The following OPRK1 variants were observed in gnomAD, a reference collection of about 807,000 sequenced individuals.
OPRK1 encodes the protein opioid receptor kappa 1.
Under a neutral mutation model 24.5 loss-of-function variants are expected in OPRK1, and 15 were observed. The observed-to-expected ratio is 0.61, with a 90% CI of 0.41 to 0.94. OPRK1 has a LOEUF of 0.94. OPRK1 is among the 40% of genes least tolerant of loss of function. The pLI, the probability that OPRK1 is intolerant of heterozygous loss-of-function variation, is 0.00. For synonymous variants in OPRK1, 205 were observed against 198.0 expected, an observed-to-expected ratio of 1.04 and a Z score of -0.30; for missense variants, 479 against 507.3, an observed-to-expected ratio of 0.94 and a Z score of 0.54.
In OPRK1 at chr8:53,228,217, T is replaced by C. The variant is rs556618199; in HGVS notation, c.*1080A>G. The stretch of plus-strand genomic sequence containing the variant: ...AGCAAAACACCTTCCTCTCCGTGAA[T>C]AGAGAGATCTGCGAATCGCTATATG... On this transcript the variant is annotated 3_prime_UTR_variant, in exon 4 of 4. Coordinates refer to ENST00000265572, the MANE Select transcript of OPRK1 (RefSeq NM_000912.5). 6.6e-6 allele frequency: 1 copy of C among 152,302 alleles called. No homozygotes were observed. The highest frequency in any genetic ancestry group is 2.1e-4 in the South Asian group (1 of 4,822). The allele number at this position is 152,302 out of a possible 1,614,324, so 9.4% of individuals were successfully genotyped here.
intron 3 of OPRK1, among the ~76,000 whole-genome samples, chr8:53,231,614 C>G (rs7824175): frequency 0.17 from 25,257 of 152,112 alleles, 2,948 homozygotes; most frequent in African/African-American, 0.32. Context: ...ACATTTTTCT[C>G]TCCATCCAGA....
At chr8:53,243,506 T>C (rs1807160722) in intron 2 of OPRK1, among the ~76,000 whole-genome samples, 1 of 152,154 alleles carries the variant, frequency 6.6e-6, no homozygotes, top group Non-Finnish European at 1.5e-5. Flanking sequence ...ACCCAATTGG[T>C]TTCTCGCATT....
chr8:53,240,983 T>C (rs1797210190), intron 2 of OPRK1, among the ~76,000 whole-genome samples: 1 of 152,142 alleles, frequency 6.6e-6, no homozygotes. Flanking sequence ...CAATTATGCC[T>C]CACCAAAGCT....
At chr8:53,250,010 A>C (rs1807331158) in intron 2 of OPRK1, among the ~76,000 whole-genome samples, 1 of 151,982 alleles carries the variant, frequency 6.6e-6, no homozygotes. Flanking sequence ...CTTACCAAAA[A>C]ATTAGCATAT....
rs142683738 is a variant in OPRK1, at chr8:53,245,629, G to T, written c.257+5152C>A. Among the ~76,000 whole-genome samples the T allele has an allele frequency of 5.2e-3, 790 of 152,210 alleles. 8 individuals are homozygous for T. The highest frequency in any genetic ancestry group is 0.018 in the African/African-American group (730 of 41,490). On this transcript the variant is annotated intron_variant, in intron 2 of 3. Coordinates refer to ENST00000265572, the MANE Select transcript of OPRK1 (RefSeq NM_000912.5). ...GGAATGGATAACTGGGAGAGAGAGA[G>T]ATAATTAGATTTAGGATTTGTCAGA...
At chr8:53,247,234 T>C (rs1309095387) in intron 2 of OPRK1, among the ~76,000 whole-genome samples, 2 of 151,902 alleles carry the variant, frequency 1.3e-5, no homozygotes. Flanking sequence ...AAAGAAAGAA[T>C]CCAAATGTTT....
intron 2 of OPRK1, among the ~76,000 whole-genome samples, chr8:53,236,512 C>G (rs886275316): frequency 3.3e-5 from 5 of 152,188 alleles, no homozygotes; most frequent in African/African-American, 4.8e-5. Flanking sequence ...GTGATTTAAT[C>G]TGGAAAGCGA....
Position 53,229,213 on chromosome 8 carries a change from G to A in OPRK1, c.*84C>T. 2 of 1,425,266 alleles carry A rather than the reference G, an allele frequency of 1.4e-6. No individual in the cohort carries two copies. Among genetic ancestry groups the A allele is most frequent in the Non-Finnish European group, 1.9e-6 (2 of 1,051,302 alleles). The allele number at this position is 1,425,266 out of a possible 1,614,324, so 88.3% of individuals were successfully genotyped here. On this transcript the variant is annotated 3_prime_UTR_variant, in exon 4 of 4. Coordinates refer to ENST00000265572, the MANE Select transcript of OPRK1 (RefSeq NM_000912.5). ...TTTTAAATTCTATCTTTTCATGTCA[G>A]ACTGCAGTAGTGATCTGAGTTAAAC...
intron 3 of OPRK1, 49 bp downstream of exon 3, chr8:53,234,710 G>C: frequency 6.7e-7 from 1 of 1,489,500 alleles, no homozygotes. Flanking sequence ...AAAAGTCTAT[G>C]TAATTTGAAG....
chr8:53,249,858 A>C (rs1259868904), intron 2 of OPRK1, among the ~76,000 whole-genome samples: 1 of 152,134 alleles, frequency 6.6e-6, no homozygotes, highest in Non-Finnish European at 1.5e-5. Context: ...AAAGGAACAC[A>C]AGCTTCCTAC....
At chr8:53,248,766 A>G (rs1450748597) in intron 2 of OPRK1, among the ~76,000 whole-genome samples, 1 of 152,250 alleles carries the variant, frequency 6.6e-6, no homozygotes, top group South Asian at 2.1e-4. Context: ...TGCTCTAGCC[A>G]TAAGTGAACT....
At position 53,229,708 on chromosome 8, in the gene OPRK1, G is replaced by T; in HGVS notation, c.732C>A (p.Val244=). The change falls in exon 4 of 4, where the codon GTC becomes GTA. Residue 244 remains valine, a synonymous_variant. Transcript: ENST00000265572. ...GACGCAGGATCATCAGGGTGTAGCA[G>T]ACGATGATGATGAGGACAGGGATCA... The part of the protein sequence containing the change: ...AFVIPVLIII[V]CYTLMILRLK... 1.2e-6 allele frequency: 2 copies of T among 1,614,164 alleles called. No homozygotes were observed.
chr8:53,240,174 C>A (rs1807082920), intron 2 of OPRK1, among the ~76,000 whole-genome samples: 1 of 152,114 alleles, frequency 6.6e-6, no homozygotes, highest in Non-Finnish European at 1.5e-5. Context: ...TTTCCATAGG[C>A]CCATTTTTGG....
chr8:53,240,787 T>C (rs893054084), intron 2 of OPRK1, among the ~76,000 whole-genome samples: 3 of 152,140 alleles, frequency 2.0e-5, no homozygotes, highest in Admixed American at 1.3e-4. Flanking sequence ...TCAACAATAC[T>C]GTATTGCTTA....
intron 2 of OPRK1, among the ~76,000 whole-genome samples, chr8:53,248,434 C>G (rs1042785494): frequency 9.9e-5 from 15 of 152,038 alleles, no homozygotes; most frequent in African/African-American, 4.8e-5. Context: ...AAATAGTATC[C>G]TTCATCTTTC....
At chr8:53,241,749 G>T (rs1345535842) in intron 2 of OPRK1, among the ~76,000 whole-genome samples, 1 of 152,206 alleles carries the variant, frequency 6.6e-6, no homozygotes, top group Non-Finnish European at 1.5e-5. Flanking sequence ...AAGCGCAAAG[G>T]CGTCAAGAGA....
rs201311615 is a variant in OPRK1 at position 53,229,277 on chromosome 8, G to A, written c.*20C>T. 1.4e-5 allele frequency: 23 copies of A among 1,601,134 alleles called. No individual in the cohort carries two copies. In the South Asian group the frequency reaches 2.2e-4, roughly 16 times the overall value. ...CTCCTCTCTTCCCGAAGAACTGTAC[G>A]AAGACATCTCCACGACTAGTCATAC... is the stretch of plus-strand genomic sequence containing the variant. On this transcript the variant is annotated 3_prime_UTR_variant, in exon 4 of 4. Transcript: ENST00000265572.
In OPRK1 at chr8:53,245,631, T is replaced by G. The variant is rs183777111; in HGVS notation, c.257+5150A>C. 3.1e-3 allele frequency among the ~76,000 whole-genome samples: 468 copies of G among 150,500 alleles called. 11 individuals carry two copies. The highest frequency in any genetic ancestry group is 9.3e-4 in the Non-Finnish European group (63 of 67,988). The stretch of plus-strand genomic sequence containing the variant: ...AATGGATAACTGGGAGAGAGAGAGA[T>G]AATTAGATTTAGGATTTGTCAGAAT... On this transcript the variant is annotated intron_variant, in intron 2 of 3. Transcript: ENST00000265572.
At chr8:53,246,221 C>T (rs1433584835) in intron 2 of OPRK1, among the ~76,000 whole-genome samples, 1 of 152,048 alleles carries the variant, frequency 6.6e-6, no homozygotes, top group African/African-American at 2.4e-5. Context: ...AAAGTGAGGA[C>T]CTAAGGTCAC....
Sources: gnomAD v4.1 joint callset for allele counts (sites outside exome capture counted in the v4.1 genomes callset) on GRCh38, gnomAD v4.1.1 for gene constraint, MANE v1.5 for transcripts, NCBI Gene and HGNC (gene_info 2026-07-23, HGNC 2026-07-21) for gene names.